GRIA4: variants seen among roughly 807,000 people sequenced by gnomAD.
The protein encoded by GRIA4 is glutamate receptor 4.
Under a neutral mutation model 104.0 loss-of-function variants are expected in GRIA4, and 34 were observed. That is an observed-to-expected ratio of 0.33 (90% CI 0.25 to 0.44). GRIA4 has a LOEUF of 0.44. GRIA4 is among the 20% of genes least tolerant of loss of function. The pLI is 1.00. For synonymous variants in GRIA4, 386 were observed against 381.9 expected (o/e 1.01, Z -0.13); for missense variants, 750 against 1,096.5 (o/e 0.68, Z 4.46).
At chr11:105,915,696 T>A (rs1947379490) in intron 10 of GRIA4, among the ~76,000 whole-genome samples, 1 of 152,188 alleles carries the variant, frequency 6.6e-6, no homozygotes. Flanking sequence ...TAAATGAATT[T>A]CATAAAAATG....
intron 14 of GRIA4, among the ~76,000 whole-genome samples, chr11:105,942,292 A>G (rs1451536339): frequency 6.6e-6 from 1 of 152,070 alleles, no homozygotes; most frequent in East Asian, 1.9e-4. Context: ...CAGTAATAAT[A>G]TTGTATAAGC....
At chr11:105,690,751 C>T (rs1953054047) in intron 3 of GRIA4, among the ~76,000 whole-genome samples, 1 of 152,104 alleles carries the variant, frequency 6.6e-6, no homozygotes. Flanking sequence ...TAGTCATTTT[C>T]CTGCCAAGGA....
Position 105,958,915 on chromosome 11 carries a change from T to G in GRIA4, c.2295-12999T>G, listed in dbSNP as rs543852688. Among the ~76,000 whole-genome samples, 3 of 152,312 alleles carry G rather than the reference T, an allele frequency of 2.0e-5. No homozygotes were observed. In the East Asian group the frequency reaches 5.8e-4, roughly 29 times the overall value. On this transcript the variant is annotated intron_variant, in intron 14 of 16. Coordinates refer to ENST00000282499, the MANE Select transcript of GRIA4 (RefSeq NM_000829.4). ...AAATTCTGGGTTGAAAATTCTTTCC[T>G]TTAAGAATGTTAAATATTGACCCCC...
intron 4 of GRIA4, among the ~76,000 whole-genome samples, chr11:105,827,052 A>G (rs1943797005): frequency 6.6e-6 from 1 of 151,952 alleles, no homozygotes; most frequent in African/African-American, 2.4e-5. Flanking sequence ...ATCCTTCCTC[A>G]TCCAGAAAGT....
chr11:105,954,217 A>G (rs1259357166), intron 14 of GRIA4, among the ~76,000 whole-genome samples: 1 of 152,188 alleles, frequency 6.6e-6, no homozygotes, highest in Non-Finnish European at 1.5e-5. Flanking sequence ...GGACAAAACC[A>G]ACTGAACCAA....
At chr11:105,646,288 T>C (rs1408966822) in intron 3 of GRIA4, among the ~76,000 whole-genome samples, 1 of 152,034 alleles carries the variant, frequency 6.6e-6, no homozygotes, top group Non-Finnish European at 1.5e-5. Context: ...CAGAGGAAAA[T>C]ATAATTGTTT....
chr11:105,805,943 A>C (rs1942936420), intron 4 of GRIA4, among the ~76,000 whole-genome samples: 1 of 151,880 alleles, frequency 6.6e-6, no homozygotes, highest in African/African-American at 2.4e-5. Flanking sequence ...AGAAAATATA[A>C]TTAGATTAGA....
chr11:105,784,776 T>C (rs2135784117), intron 4 of GRIA4, among the ~76,000 whole-genome samples: 1 of 152,348 alleles, frequency 6.6e-6, no homozygotes, highest in African/African-American at 2.4e-5. Context: ...ATAAATAAGA[T>C]GTGTTGTAAG....
intron 14 of GRIA4, among the ~76,000 whole-genome samples, chr11:105,946,455 G>A (rs1255125933): frequency 6.6e-6 from 1 of 152,034 alleles, no homozygotes; most frequent in Non-Finnish European, 1.5e-5. Flanking sequence ...GCATGGTGGT[G>A]CATGTCTGTT....
At chr11:105,714,874 T>C (rs1954038672) in intron 3 of GRIA4, among the ~76,000 whole-genome samples, 1 of 151,870 alleles carries the variant, frequency 6.6e-6, no homozygotes, top group African/African-American at 2.4e-5. Flanking sequence ...GAGACTTCGA[T>C]TAGTAAAGGG....
At chr11:105,859,711 T>A (rs1945149285) in intron 4 of GRIA4, among the ~76,000 whole-genome samples, 1 of 152,128 alleles carries the variant, frequency 6.6e-6, no homozygotes. Flanking sequence ...GTTTTTATTA[T>A]TTTTGCAACA....
At chr11:105,660,556 A>T (rs1362994002) in intron 3 of GRIA4, among the ~76,000 whole-genome samples, 1 of 151,616 alleles carries the variant, frequency 6.6e-6, no homozygotes. Context: ...TTTAAAAATG[A>T]AGGTATGGGG....
At chr11:105,959,424 G>C (rs991272016) in intron 14 of GRIA4, among the ~76,000 whole-genome samples, 2 of 152,084 alleles carry the variant, frequency 1.3e-5, no homozygotes, top group African/African-American at 2.4e-5. Context: ...GCTTCACAAA[G>C]TTCTCATGCT....
At chr11:105,890,188 A>G (rs950279110) in intron 6 of GRIA4, among the ~76,000 whole-genome samples, 1 of 152,228 alleles carries the variant, frequency 6.6e-6, no homozygotes, top group African/African-American at 2.4e-5. Context: ...ATGAATTTAC[A>G]GACATGCATT....
chr11:105,652,347 A>T (rs563272038), intron 3 of GRIA4, among the ~76,000 whole-genome samples: 86 of 152,330 alleles, frequency 5.6e-4, no homozygotes, highest in African/African-American at 2.0e-3. Flanking sequence ...AGCCCATCAG[A>T]TCCTTCTCAA....
intron 15 of GRIA4, among the ~76,000 whole-genome samples, chr11:105,973,548 T>C (rs1056945080): frequency 6.6e-6 from 1 of 152,016 alleles, no homozygotes; most frequent in African/African-American, 2.4e-5. Flanking sequence ...TATTTTTAAT[T>C]AATAAAAATA....
chr11:105,682,979 G>A (rs1488478018), intron 3 of GRIA4, among the ~76,000 whole-genome samples: 1 of 152,010 alleles, frequency 6.6e-6, no homozygotes, highest in Non-Finnish European at 1.5e-5. Flanking sequence ...TCTACTCGAA[G>A]GGGAAAAAAA....
chr11:105,642,475 C>A (rs11226815), intron 3 of GRIA4, among the ~76,000 whole-genome samples: 1 of 134,070 alleles, frequency 7.5e-6, no homozygotes, highest in African/African-American at 2.8e-5. Flanking sequence ...GGGCCTAAAT[C>A]TTGGCAGTCA....
intron 3 of GRIA4, among the ~76,000 whole-genome samples, chr11:105,749,925 G>A (rs1405220729): frequency 6.6e-6 from 1 of 152,082 alleles, no homozygotes. Context: ...TAGTGGCTAA[G>A]CATTAATTCC....
Sources: gnomAD v4.1 joint callset for allele counts (sites outside exome capture counted in the v4.1 genomes callset) on GRCh38, gnomAD v4.1.1 for gene constraint, MANE v1.5 for transcripts, NCBI Gene and HGNC (gene_info 2026-07-23, HGNC 2026-07-21) for gene names.